The following TMEM91 variants were observed in gnomAD, a reference collection of about 807,000 sequenced individuals.
TMEM91 encodes the protein transmembrane protein 91.
Under a neutral mutation model 13.3 loss-of-function variants are expected in TMEM91, and 6 were observed. The ratio of observed to expected loss-of-function variants is 0.45; its 90% CI spans 0.25 to 0.89. The LOEUF (loss-of-function observed/expected upper bound fraction) is 0.89, where lower values mean the gene tolerates loss of function less well. TMEM91 is among the 40% of genes least tolerant of loss of function. TMEM91 has a pLI of 0.19. For missense variants in TMEM91, 193 were observed against 228.7 expected (o/e 0.84, Z 1.01); for synonymous variants, 87 against 101.7 (o/e 0.86, Z 0.87).
chr19:41,380,898 A>G, intron 2 of TMEM91, among the ~76,000 whole-genome samples: 1 of 126,172 alleles, frequency 7.9e-6, no homozygotes, highest in Non-Finnish European at 1.6e-5. Flanking sequence ...TGGGCAACAG[A>G]GTGAAACTCT....
rs187214399 is a variant in TMEM91, at chr19:41,378,476, C to T, written c.167C>T (p.Ser56Phe). The change falls in exon 2 of 4, where the codon TCC becomes TTC. Residue 56 changes from serine (S) to phenylalanine (F), a missense_variant. By Grantham distance (155) the Ser-to-Phe change is radical (BLOSUM62 -2). Coordinates refer to ENST00000392002, the MANE Select transcript of TMEM91 (RefSeq NM_001098821.2). ...CAGTTCCTGTCACCGCCTCTTCCCT[C>T]CGTGAGCGCTGGCCTGGGGGAACCA... Reference protein sequence around the residue: ...GLQFLSPPLPSVSAGLGEPRP... With the variant: ...GLQFLSPPLPFVSAGLGEPRP... The T allele has an allele frequency of 2.5e-6, 4 of 1,614,112 alleles. No homozygotes were observed. In the East Asian group the frequency reaches 6.7e-5, roughly 27 times the overall value.
chr19:41,379,546 G>A (rs890685857), intron 2 of TMEM91, among the ~76,000 whole-genome samples: 15 of 148,958 alleles, frequency 1.0e-4, no homozygotes, highest in African/African-American at 3.7e-4. Flanking sequence ...GAGAGGGAGA[G>A]GGGGGAGAGA....
chr19:41,378,341 A>T lies in TMEM91; in HGVS notation c.32A>T (p.Gln11Leu). MDSPSLRELQ[Q>L]PLLEGTECET... The stretch of plus-strand genomic sequence containing the variant: ...AGCCCTAGTCTTCGTGAGCTTCAAC[A>T]GCCTCTGCTGGAGGGCACAGAATGT... The change falls in exon 2 of 4, where the codon CAG (glutamine) becomes CTG (leucine). Residue 11 changes from glutamine to leucine, a missense_variant. By Grantham distance (113) the Gln-to-Leu change is moderately radical. Coordinates refer to ENST00000392002, the MANE Select transcript of TMEM91 (RefSeq NM_001098821.2). The T allele has an allele frequency of 6.2e-7, 1 of 1,614,166 alleles. No homozygotes were observed. The highest frequency in any genetic ancestry group is 8.5e-7 in the Non-Finnish European group (1 of 1,180,004).
chr19:41,378,823 T>TGTGA (rs1415068368), intron 2 of TMEM91, among the ~76,000 whole-genome samples: 9 of 44,658 alleles, frequency 2.0e-4, no homozygotes, highest in East Asian at 1.6e-3. Context: ...TGTGTGTGTG[T>TGTGA]GAGAGAGAGA....
rs1457833733 is a variant in TMEM91, at chr19:41,370,232, C to CA, written c.-30+6138dup. Reference sequence around the variant, plus strand: ...AACTGGTATTACAGGCATGCACCACCATGCCTGGCTAATTTTGTATTTTTA... The same window carrying CA: ...AACTGGTATTACAGGCATGCACCACCAATGCCTGGCTAATTTTGTATTTTTA... On this transcript the variant is annotated intron_variant, in intron 1 of 3. Coordinates refer to the TMEM91 transcript ENST00000413014. Among the ~76,000 whole-genome samples, 4 of 151,984 alleles carry CA rather than the reference C, an allele frequency of 2.6e-5. No individual in the cohort carries two copies. The East Asian group carries it at 7.7e-4, about 29-fold the overall frequency.
chr19:41,375,281 T>TC (rs1229412613), upstream of TMEM91, among the ~76,000 whole-genome samples: 4 of 80,554 alleles, frequency 5.0e-5, no homozygotes, highest in Non-Finnish European at 1.1e-4. Context: ...TTCTTTTTTT[T>TC]TTTTTTTTTT....
At chr19:41,381,963 T>C (rs2038898192) in intron 2 of TMEM91, among the ~76,000 whole-genome samples, 1 of 152,052 alleles carries the variant, frequency 6.6e-6, no homozygotes, top group Non-Finnish European at 1.5e-5. Context: ...CATCCTGGGT[T>C]CAAGTGATTC....
At position 41,383,100 on chromosome 19, in the gene TMEM91, C is replaced by G. The variant is rs575904900; in HGVS notation, c.360+179C>G. 9.6e-4 allele frequency: 812 copies of G among 846,310 alleles called. 3 individuals carry two copies. Among genetic ancestry groups the G allele is most frequent in the Middle Eastern group, 8.2e-3 (26 of 3,162 alleles). 52.4% of individuals were successfully genotyped at this position (846,310 alleles called of 1,614,324 possible). A position where few individuals can be genotyped will look rare whatever the true frequency, so the allele number is the denominator to read the frequency against. On this transcript the variant is annotated intron_variant, in intron 3 of 3. Transcript: ENST00000392002. ...TTTGAGTCTCACTTTGTCGCCCAGG[C>G]TGGAGTGCAGTGGTACAATCTCGGC... is the stretch of plus-strand genomic sequence containing the variant.
At chr19:41,364,681 T>C (rs1342761439) in intron 1 of TMEM91, among the ~76,000 whole-genome samples, 1 of 152,086 alleles carries the variant, frequency 6.6e-6, no homozygotes, top group Non-Finnish European at 1.5e-5. Flanking sequence ...TTCTCGGAGC[T>C]ACTACCAAGT....
At chr19:41,368,430 G>T (rs1458486628) in intron 1 of TMEM91, among the ~76,000 whole-genome samples, 1 of 148,856 alleles carries the variant, frequency 6.7e-6, no homozygotes, top group Non-Finnish European at 1.5e-5. Flanking sequence ...TTTTTTGGGG[G>T]GGGTGGTTAT....
At chr19:41,366,649 G>A (rs2038532497) in intron 1 of TMEM91, among the ~76,000 whole-genome samples, 1 of 151,990 alleles carries the variant, frequency 6.6e-6, no homozygotes, top group African/African-American at 2.4e-5. Context: ...AGTAGAGACG[G>A]GGTTTCGCCA....
At chr19:41,383,665 G>T in intron 3 of TMEM91, 50 bp from the exon 4 acceptor site, 1 of 1,614,084 alleles carries the variant, frequency 6.2e-7, no homozygotes, top group Non-Finnish European at 8.5e-7. Context: ...CAGGGGAAGG[G>T]TCTGGGACTG....
chr19:41,383,122 C>T lies in TMEM91; in HGVS notation c.360+201C>T, dbSNP rs148132235. ...AGGCTGGAGTGCAGTGGTACAATCT[C>T]GGCTCACTGCAATCTCTGCCTCTTG... On this transcript the variant is annotated intron_variant, in intron 3 of 3. Transcript: ENST00000392002. 6.6e-4 allele frequency: 435 copies of T among 659,958 alleles called. No individual in the cohort carries two copies. In the African/African-American group the frequency reaches 6.7e-3, roughly 10 times the overall value. The allele number at this position is 659,958 out of a possible 1,614,324, so 40.9% of individuals were successfully genotyped here.
At chr19:41,380,627 T>A (rs908154636) in intron 2 of TMEM91, among the ~76,000 whole-genome samples, 1 of 148,394 alleles carries the variant, frequency 6.7e-6, no homozygotes, top group African/African-American at 2.5e-5. Flanking sequence ...ATACAAAAAT[T>A]AGGCCAGGCG....
At chr19:41,380,252 AT>A (rs760232989) in intron 2 of TMEM91, among the ~76,000 whole-genome samples, 1 of 152,126 alleles carries the variant, frequency 6.6e-6, no homozygotes, top group African/African-American at 2.4e-5. Context: ...TCCTTACAGC[AT>A]AACGGCTTCA....
At position 41,379,367 on chromosome 19, in the gene TMEM91, TAA is replaced by T. The variant is rs80166771; in HGVS notation, c.210+864_210+865del. 2.6e-3 allele frequency among the ~76,000 whole-genome samples: 346 copies of T among 131,248 alleles called. 3 individuals carry two copies. Among genetic ancestry groups the T allele is most frequent in the African/African-American group, 8.8e-3 (317 of 35,872 alleles). 86.1% of individuals were successfully genotyped at this position (131,248 alleles called of 152,430 possible). A position where few individuals can be genotyped will look rare whatever the true frequency, so the allele number is the denominator to read the frequency against. On this transcript the variant is annotated intron_variant, in intron 2 of 3. Coordinates refer to ENST00000392002, the MANE Select transcript of TMEM91 (RefSeq NM_001098821.2). ...TCCGAAAATTAGAAAGACCCCATCT[TAA>T]AAAAAAAAAAAAAAATTAGCCAGGT... is the stretch of plus-strand genomic sequence containing the variant.
upstream of TMEM91, among the ~76,000 whole-genome samples, chr19:41,373,416 G>A (rs1031133546): frequency 5.3e-5 from 8 of 151,470 alleles, no homozygotes; most frequent in Middle Eastern, 6.9e-3. Context: ...AACTGAGGCT[G>A]GAGGCTGATG....
intron 3 of TMEM91, chr19:41,383,430 A>G (rs1438273573): frequency 9.2e-7 from 1 of 1,087,330 alleles, no homozygotes; most frequent in Non-Finnish European, 1.2e-6. Flanking sequence ...AATAATTGCT[A>G]CCTCTGGGTC....
Position 41,383,518 on chromosome 19 carries a change from A to ATT in TMEM91, c.361-196_361-195dup, listed in dbSNP as rs377696376. ...TATTTATTTTTTAAAATTTATTATT[A>ATT]TTATTATTTTTTACCATTTTAATGT... On this transcript the variant is annotated intron_variant, in intron 3 of 3. Coordinates refer to ENST00000392002, the MANE Select transcript of TMEM91 (RefSeq NM_001098821.2). 5.5e-6 allele frequency: 8 copies of ATT among 1,455,184 alleles called. No homozygotes were observed. In the African/African-American group the frequency reaches 1.2e-4, roughly 21 times the overall value. 90.1% of individuals were successfully genotyped at this position (1,455,184 alleles called of 1,614,324 possible).
Sources: gnomAD v4.1 joint callset for allele counts (sites outside exome capture counted in the v4.1 genomes callset) on GRCh38, gnomAD v4.1.1 for gene constraint, MANE v1.5 for transcripts, NCBI Gene and HGNC (gene_info 2026-07-23, HGNC 2026-07-21) for gene names.